The following TNNI3K variants were observed in gnomAD, a reference collection of about 807,000 sequenced individuals.
TNNI3K encodes TNNI3 interacting kinase, also known as serine/threonine-protein kinase TNNI3K.
Under a neutral mutation model 114.5 loss-of-function variants are expected in TNNI3K, and 140 were observed. That is an observed-to-expected ratio of 1.22 (90% confidence interval 1.07 to 1.41). The LOEUF (loss-of-function observed/expected upper bound fraction) is 1.41, where lower values mean the gene tolerates loss of function less well. TNNI3K is among the 40% of genes most tolerant of loss of function. The probability of loss-of-function intolerance (pLI) is 0.00; values close to 1 mark genes in which losing one functional copy is unlikely to be tolerated. For missense variants in TNNI3K, 1,125 were observed against 1,007.6 expected (o/e 1.12, Z -1.58); for synonymous variants, 347 against 347.5 (o/e 1.00, Z 0.02).
At chr1:74,316,259 A>G (rs751612208) in intron 5 of TNNI3K, among the ~76,000 whole-genome samples, 1 of 152,236 alleles carries the variant, frequency 6.6e-6, no homozygotes, top group Non-Finnish European at 1.5e-5. Context: ...CCATGATGCT[A>G]TGCCTAAAAG....
chr1:74,259,883 TGGC>T (rs1655562438), intron 4 of TNNI3K, among the ~76,000 whole-genome samples: 1 of 152,310 alleles, frequency 6.6e-6, no homozygotes, highest in South Asian at 2.1e-4. Context: ...CCAGTCAAGT[TGGC>T]ACCTAAAATT....
At chr1:74,308,462 A>G (rs570245997) in intron 5 of TNNI3K, among the ~76,000 whole-genome samples, 1 of 152,268 alleles carries the variant, frequency 6.6e-6, no homozygotes, top group South Asian at 2.1e-4. Flanking sequence ...ATTTGAAACA[A>G]TGAAAAGACT....
intron 17 of TNNI3K, among the ~76,000 whole-genome samples, chr1:74,421,819 C>G (rs768497585): frequency 4.4e-4 from 67 of 152,122 alleles, no homozygotes; most frequent in Admixed American, 1.4e-3. Context: ...GCACTCTTAA[C>G]ATGGAATGGC....
chr1:74,443,949 C>G (rs1353074788), intron 20 of TNNI3K, among the ~76,000 whole-genome samples: 1 of 151,982 alleles, frequency 6.6e-6, no homozygotes, highest in African/African-American at 2.4e-5. Context: ...GTCTTTGATA[C>G]AATTCAACAT....
chr1:74,518,173 C>G (rs1646375871), intron 23 of TNNI3K, among the ~76,000 whole-genome samples: 1 of 152,042 alleles, frequency 6.6e-6, no homozygotes, highest in African/African-American at 2.4e-5. Context: ...AATATTGGCC[C>G]AGTGGAGTAG....
chr1:74,395,067 C>T (rs1201742691), intron 17 of TNNI3K, among the ~76,000 whole-genome samples: 3 of 151,224 alleles, frequency 2.0e-5, no homozygotes, highest in Non-Finnish European at 4.4e-5. Flanking sequence ...AGAGAAAACA[C>T]TTAAAGCCCC....
chr1:74,302,724 G>A (rs930973157), intron 5 of TNNI3K, among the ~76,000 whole-genome samples: 24 of 152,160 alleles, frequency 1.6e-4, no homozygotes, highest in African/African-American at 5.8e-4. Context: ...AGAGAGATGA[G>A]GAAATGCATA....
intron 2 of TNNI3K, among the ~76,000 whole-genome samples, chr1:74,244,546 T>C (rs1008300886): frequency 2.0e-5 from 3 of 151,630 alleles, no homozygotes; most frequent in African/African-American, 7.3e-5. Context: ...TTGTATTTTC[T>C]GTTTATTCCA....
chr1:74,413,635 G>A (rs921814510), intron 17 of TNNI3K, among the ~76,000 whole-genome samples: 1 of 152,098 alleles, frequency 6.6e-6, no homozygotes, highest in Non-Finnish European at 1.5e-5. Context: ...TTGATTGGAG[G>A]CACTTTAATT....
At chr1:74,510,380 C>T (rs1670124860) in intron 23 of TNNI3K, among the ~76,000 whole-genome samples, 2 of 152,030 alleles carry the variant, frequency 1.3e-5, no homozygotes, top group Non-Finnish European at 1.5e-5. Context: ...TGGTGCCTGG[C>T]GCCTGTAGTC....
intron 17 of TNNI3K, among the ~76,000 whole-genome samples, chr1:74,378,357 A>G (rs74093504): frequency 0.012 from 1,749 of 151,548 alleles, 34 homozygotes; most frequent in African/African-American, 0.04. Context: ...AGAGTCCATA[A>G]CGTATAATGG....
chr1:74,514,893 T>G (rs1430613590), intron 23 of TNNI3K, among the ~76,000 whole-genome samples: 2 of 152,086 alleles, frequency 1.3e-5, no homozygotes, highest in East Asian at 3.9e-4. Context: ...TCATAGGAGT[T>G]TATACTGGAG....
At chr1:74,501,819 A>G (rs554687299) in intron 23 of TNNI3K, among the ~76,000 whole-genome samples, 45 of 152,236 alleles carry the variant, frequency 3.0e-4, no homozygotes, top group Middle Eastern at 3.4e-3. Context: ...ACGTGTAGTA[A>G]TAATTCTGCT....
At chr1:74,532,550 G>T (rs1207552290) in intron 23 of TNNI3K, among the ~76,000 whole-genome samples, 1 of 151,558 alleles carries the variant, frequency 6.6e-6, no homozygotes, top group African/African-American at 2.4e-5. Flanking sequence ...ATGCATACAT[G>T]TGCCATGCTG....
chr1:74,532,099 A>G (rs1570750052), intron 23 of TNNI3K, among the ~76,000 whole-genome samples: 1 of 152,218 alleles, frequency 6.6e-6, no homozygotes, highest in African/African-American at 2.4e-5. Context: ...TGTGTTTAGG[A>G]AGATGAATCC....
chr1:74,508,471 T>C (rs2100368560), intron 23 of TNNI3K, among the ~76,000 whole-genome samples: 2 of 152,332 alleles, frequency 1.3e-5, no homozygotes, highest in Admixed American at 1.3e-4. Flanking sequence ...AAATGCCTGA[T>C]GTAGGACTTA....
intron 21 of TNNI3K, chr1:74,480,683 G>T: frequency 2.8e-6 from 2 of 717,344 alleles, no homozygotes; most frequent in South Asian, 1.5e-5. Flanking sequence ...TCGGAACCAA[G>T]ACCCTCGTAG....
intron 11 of TNNI3K, among the ~76,000 whole-genome samples, chr1:74,365,821 T>A (rs1481438683): frequency 1.3e-5 from 2 of 152,032 alleles, no homozygotes; most frequent in Non-Finnish European, 2.9e-5. Flanking sequence ...AACTTATTCC[T>A]ATGATTTGAG....
At chr1:74,341,970 G>A (rs1660767787) in intron 7 of TNNI3K, 1 of 152,058 alleles carries the variant, frequency 6.6e-6, no homozygotes, top group Non-Finnish European at 1.5e-5. Context: ...TCTACAGATA[G>A]GTATCCAGAC....
Sources: gnomAD v4.1 joint callset for allele counts (sites outside exome capture counted in the v4.1 genomes callset) on GRCh38, gnomAD v4.1.1 for gene constraint, MANE v1.5 for transcripts, NCBI Gene and HGNC (gene_info 2026-07-23, HGNC 2026-07-21) for gene names.